The following PNLIPRP3 variants were observed in gnomAD, a reference collection of about 807,000 sequenced individuals.
PNLIPRP3 encodes the protein pancreatic lipase-related protein 3.
A neutral mutation model predicts 52.8 loss-of-function variants in PNLIPRP3; 58 were observed. The observed-to-expected ratio is 1.10, with a 90% CI of 0.89 to 1.37. The LOEUF is 1.37. Ranked by LOEUF, PNLIPRP3 falls within the 40% of genes most tolerant of loss-of-function variation. PNLIPRP3 has a pLI of 0.00. For synonymous variants in PNLIPRP3, 192 were observed against 185.0 expected, an observed-to-expected ratio of 1.04 and a Z score of -0.31; for missense variants, 593 against 561.6, an observed-to-expected ratio of 1.06 and a Z score of -0.57.
At chr10:116,443,449 T>G (rs1804600897) in intron 3 of PNLIPRP3, among the ~76,000 whole-genome samples, 1 of 151,756 alleles carries the variant, frequency 6.6e-6, no homozygotes. Context: ...TCATTTAATT[T>G]AAGAAAAACA....
rs780576575 is a variant in PNLIPRP3, at chr10:116,443,010, A to G, written c.205-45A>G. On this transcript the variant is annotated intron_variant, in intron 2 of 11. Coordinates refer to ENST00000369230, the MANE Select transcript of PNLIPRP3 (RefSeq NM_001011709.3). ...GAATAGGTCTACTAACTATTAAATAATTTTTAATTATTATTTTTCCTTAAT... is the reference window on the plus strand; with the variant it reads ...GAATAGGTCTACTAACTATTAAATAGTTTTTAATTATTATTTTTCCTTAAT... 1.1e-5 allele frequency: 16 copies of G among 1,414,126 alleles called. No homozygotes were observed. The African/African-American group carries it at 1.7e-4, about 15-fold the overall frequency. The allele number at this position is 1,414,126 out of a possible 1,614,324, so 87.6% of individuals were successfully genotyped here.
rs188168644 is a variant in PNLIPRP3 at position 116,454,364 on chromosome 10, C to T, written c.457-1358C>T. 1.3e-3 allele frequency among the ~76,000 whole-genome samples: 198 copies of T among 152,262 alleles called. 1 individual carries two copies. Among genetic ancestry groups the T allele is most frequent in the African/African-American group, 4.4e-3 (183 of 41,560 alleles). On this transcript the variant is annotated intron_variant, in intron 4 of 11. Coordinates refer to ENST00000369230, the MANE Select transcript of PNLIPRP3 (RefSeq NM_001011709.3). ...CGAACTCCTGACCTCGTGATCTGCCCGCCTCAGCCTCCCAAAGTGCTGGGA... is the reference window on the plus strand; with the variant it reads ...CGAACTCCTGACCTCGTGATCTGCCTGCCTCAGCCTCCCAAAGTGCTGGGA...
At chr10:116,435,699 T>G (rs1237822927) in intron 1 of PNLIPRP3, among the ~76,000 whole-genome samples, 1 of 152,218 alleles carries the variant, frequency 6.6e-6, no homozygotes, top group Non-Finnish European at 1.5e-5. Context: ...CATCTTTTCA[T>G]ATGGCTGTTG....
At chr10:116,437,250 C>T (rs144073987) in intron 2 of PNLIPRP3, among the ~76,000 whole-genome samples, 8 of 152,114 alleles carry the variant, frequency 5.3e-5, no homozygotes, top group Non-Finnish European at 1.0e-4. Flanking sequence ...AAACAAATAC[C>T]TTTCTTGCAA....
chr10:116,439,656 C>A, intron 2 of PNLIPRP3: 1 of 763,570 alleles, frequency 1.3e-6, no homozygotes, highest in Non-Finnish European at 2.4e-6. Flanking sequence ...TTAAGTTATT[C>A]CACATCTCAC....
chr10:116,466,179 C>A lies in PNLIPRP3; in HGVS notation c.927+11C>A. The A allele has an allele frequency of 6.5e-7, 1 of 1,529,590 alleles. No individual in the cohort carries two copies. Among genetic ancestry groups the A allele is most frequent in the Non-Finnish European group, 9.0e-7 (1 of 1,109,504 alleles). 94.8% of individuals were successfully genotyped at this position (1,529,590 alleles called of 1,614,324 possible). ...ACATCTTTTAAAGCAGTAAGTAAAT[C>A]ATCTTACTTGGAATTTAATTATAAA... On this transcript the variant is annotated intron_variant, in intron 8 of 11. Coordinates refer to ENST00000369230, the MANE Select transcript of PNLIPRP3 (RefSeq NM_001011709.3).
chr10:116,468,554 T>A (rs558540848), intron 8 of PNLIPRP3, among the ~76,000 whole-genome samples: 1 of 152,274 alleles, frequency 6.6e-6, no homozygotes, highest in East Asian at 1.9e-4. Flanking sequence ...TAATAGCCAA[T>A]CACCAAAAAA....
chr10:116,466,204 A>T, intron 8 of PNLIPRP3, 36 bp downstream of exon 8: 3 of 1,490,476 alleles, frequency 2.0e-6, no homozygotes, highest in Non-Finnish European at 2.8e-6. Context: ...TTAATTATAA[A>T]GTAATTTTTT....
chr10:116,444,683 AAG>A (rs1377787016), intron 4 of PNLIPRP3, among the ~76,000 whole-genome samples, 170 bp downstream of exon 4: 1 of 152,180 alleles, frequency 6.6e-6, no homozygotes, highest in African/African-American at 2.4e-5. Flanking sequence ...CTTCGCAGTA[AAG>A]AGTCTGTGGT....
At chr10:116,471,470 A>T (rs1174273808) in intron 9 of PNLIPRP3, among the ~76,000 whole-genome samples, 1 of 152,244 alleles carries the variant, frequency 6.6e-6, no homozygotes, top group East Asian at 1.9e-4. Context: ...GCAAAAGAAG[A>T]CACAGGACTT....
chr10:116,456,045 G>A (rs1846108885), intron 5 of PNLIPRP3, among the ~76,000 whole-genome samples: 1 of 152,344 alleles, frequency 6.6e-6, no homozygotes, highest in South Asian at 2.1e-4. Flanking sequence ...GACAAAGTAA[G>A]AGAAACTATG....
chr10:116,444,622 A>G (rs974999792), intron 4 of PNLIPRP3, 109 bp downstream of exon 4: 1 of 1,101,582 alleles, frequency 9.1e-7, no homozygotes, highest in African/African-American at 1.6e-5. Flanking sequence ...CAGGTACTGA[A>G]CATGTGAAAT....
At chr10:116,445,476 C>T (rs893071105) in intron 4 of PNLIPRP3, among the ~76,000 whole-genome samples, 7 of 151,906 alleles carry the variant, frequency 4.6e-5, no homozygotes, top group Non-Finnish European at 1.5e-5. Flanking sequence ...TCTTTCCACT[C>T]TATCAGGGAA....
Position 116,469,320 on chromosome 10 carries a change from A to T in PNLIPRP3, c.1060+3A>T. On this transcript the variant is annotated splice_donor_region_variant and intron_variant, in intron 9 of 11. Coordinates refer to ENST00000369230, the MANE Select transcript of PNLIPRP3 (RefSeq NM_001011709.3). Reference sequence around the variant, plus strand: ...AGGGTCCCTTTCCCCATTTGCCCGTAAGTATCATAGCTAAGTTTAATTGTA... The same window carrying T: ...AGGGTCCCTTTCCCCATTTGCCCGTTAGTATCATAGCTAAGTTTAATTGTA... 1 of 1,599,646 alleles carries T rather than the reference A, an allele frequency of 6.3e-7. No individual in the cohort carries two copies. Among genetic ancestry groups the T allele is most frequent in the Non-Finnish European group, 8.5e-7 (1 of 1,174,350 alleles).
chr10:116,473,132 C>T (rs751593909), intron 10 of PNLIPRP3, among the ~76,000 whole-genome samples: 8 of 152,260 alleles, frequency 5.3e-5, no homozygotes, highest in Non-Finnish European at 1.0e-4. Context: ...TGATAACGGC[C>T]GAAGAAGCTG....
chr10:116,448,267 A>G (rs985029476), intron 4 of PNLIPRP3, among the ~76,000 whole-genome samples: 16 of 152,214 alleles, frequency 1.1e-4, no homozygotes, highest in African/African-American at 3.6e-4. Context: ...TATGACATCA[A>G]TAACATGAAG....
intron 1 of PNLIPRP3, among the ~76,000 whole-genome samples, chr10:116,435,608 G>A (rs1008768395): frequency 6.6e-6 from 1 of 152,126 alleles, no homozygotes; most frequent in Non-Finnish European, 1.5e-5. Flanking sequence ...CTGGAATGTG[G>A]CCAGTACCAT....
rs375743924 is a variant in PNLIPRP3, at chr10:116,444,553, T to C, written c.456+40T>C. 116 of 1,575,872 alleles carry C rather than the reference T, an allele frequency of 7.4e-5. No homozygotes were observed. The East Asian group carries it at 9.9e-4, about 13-fold the overall frequency. On this transcript the variant is annotated intron_variant, in intron 4 of 11. Coordinates refer to ENST00000369230, the MANE Select transcript of PNLIPRP3 (RefSeq NM_001011709.3). ...TTTTTTTTTAATTATATTGAATTGG[T>C]TTTGGATATTAACACTCAGAAGTTG...
intron 1 of PNLIPRP3, among the ~76,000 whole-genome samples, chr10:116,433,301 A>G (rs898343576): frequency 6.6e-6 from 1 of 152,016 alleles, no homozygotes; most frequent in Non-Finnish European, 1.5e-5. Flanking sequence ...TATTTTCCAG[A>G]TATCTGACTA....
Sources: allele counts gnomAD v4.1 joint callset (sites outside exome capture counted in the v4.1 genomes callset), GRCh38; gene constraint gnomAD v4.1.1; transcripts MANE v1.5; gene names NCBI Gene and HGNC (gene_info 2026-07-23, HGNC 2026-07-21).